PLEKHG1: variants seen among roughly 807,000 people sequenced by gnomAD.
The protein encoded by PLEKHG1 is pleckstrin homology domain-containing family G member 1.
A neutral mutation model predicts 100.8 loss-of-function variants in PLEKHG1; 44 were observed. The observed-to-expected ratio is 0.44, with a 90% CI of 0.34 to 0.56. The LOEUF (loss-of-function observed/expected upper bound fraction) is 0.56. PLEKHG1 is among the 20% of genes least tolerant of loss of function. The pLI, the probability that PLEKHG1 is intolerant of heterozygous loss-of-function variation, is 0.01. For missense variants in PLEKHG1, 1,545 were observed against 1,720.9 expected (o/e 0.90, Z 1.81); for synonymous variants, 640 against 662.5 (o/e 0.97, Z 0.52).
At position 150,810,515 on chromosome 6, in the gene PLEKHG1, AAAG is replaced by A. The variant is rs1451105744; in HGVS notation, c.1278+784_1278+786del. Among the ~76,000 whole-genome samples, 389 of 50,892 alleles carry A rather than the reference AAAG, an allele frequency of 7.6e-3. 6 individuals carry two copies. Among genetic ancestry groups the A allele is most frequent in the Admixed American group, 0.043 (327 of 7,524 alleles). 33.4% of individuals were successfully genotyped at this position (50,892 alleles called of 152,430 possible). A position where few individuals can be genotyped will look rare whatever the true frequency, so the allele number is the denominator to read the frequency against. Reference sequence around the variant, plus strand: ...AGGAAGGAGGGAAAGAAAGAAAGAAAAAGAAAGAAAGAAAGAAAGAAAGGAAGA... The same window carrying A: ...AGGAAGGAGGGAAAGAAAGAAAGAAAAAAGAAAGAAAGAAAGAAAGGAAGA... On this transcript the variant is annotated intron_variant, in intron 10 of 15. Coordinates refer to ENST00000358517, the Ensembl canonical transcript of PLEKHG1.
At chr6:150,686,889 T>TG in intron 3 of PLEKHG1, 1 of 152,736 alleles carries the variant, frequency 6.5e-6, no homozygotes, top group East Asian at 1.9e-4. Context: ...CCAGCAGCTA[T>TG]GGTGGGGGCT....
intron 6 of PLEKHG1, among the ~76,000 whole-genome samples, chr6:150,804,010 G>T (rs1233546907): frequency 7.3e-6 from 1 of 136,488 alleles, no homozygotes; most frequent in African/African-American, 3.1e-5. Flanking sequence ...CTACATGTAT[G>T]TTGTATTTTA....
chr6:150,756,080 A>C (rs1433014317), intron 2 of PLEKHG1, among the ~76,000 whole-genome samples: 1 of 151,906 alleles, frequency 6.6e-6, no homozygotes, highest in Non-Finnish European at 1.5e-5. Flanking sequence ...GAGGGAAGAA[A>C]ATTTTCCCCA....
intron 3 of PLEKHG1, among the ~76,000 whole-genome samples, chr6:150,667,599 A>G (rs1450741281): frequency 1.3e-5 from 2 of 152,294 alleles, no homozygotes; most frequent in East Asian, 3.9e-4. Flanking sequence ...ACTTTTTCCT[A>G]TTTGCAACAG....
intron 1 of PLEKHG1, among the ~76,000 whole-genome samples, chr6:150,612,766 C>T (rs1371029093): frequency 6.6e-6 from 1 of 152,126 alleles, no homozygotes; most frequent in Non-Finnish European, 1.5e-5. Context: ...CAGGTCCAAT[C>T]CATAGAAAAC....
exon 16 of PLEKHG1, chr6:150,843,352 G>A (rs1777613724): frequency 6.6e-6 from 1 of 152,108 alleles, no homozygotes; most frequent in Non-Finnish European, 1.5e-5. Flanking sequence ...TGAGAGCTGT[G>A]TGTATATATA....
At chr6:150,827,938 GA>G (rs1776707364) in intron 14 of PLEKHG1, 8 of 1,608,090 alleles carry the variant, frequency 5.0e-6, no homozygotes, top group Non-Finnish European at 6.8e-6. Context: ...AATAAATCTG[GA>G]AAAGTTTTGG....
chr6:150,668,901 T>C (rs1164825092), intron 3 of PLEKHG1, among the ~76,000 whole-genome samples: 1 of 152,186 alleles, frequency 6.6e-6, no homozygotes, highest in Non-Finnish European at 1.5e-5. Flanking sequence ...ACCTTAAATA[T>C]AAATAAAATG....
At chr6:150,638,868 T>A (rs766835446) in intron 2 of PLEKHG1, among the ~76,000 whole-genome samples, 30 of 152,224 alleles carry the variant, frequency 2.0e-4, no homozygotes, top group Non-Finnish European at 3.7e-4. Flanking sequence ...ATTCCTGAAA[T>A]TTCTTTGTGG....
At chr6:150,645,256 T>A (rs1778445694) in intron 2 of PLEKHG1, among the ~76,000 whole-genome samples, 1 of 152,172 alleles carries the variant, frequency 6.6e-6, no homozygotes, top group Non-Finnish European at 1.5e-5. Context: ...GGGTAATTGG[T>A]TATCCTTATG....
intron 2 of PLEKHG1, among the ~76,000 whole-genome samples, chr6:150,742,602 G>A (rs1270944002): frequency 6.6e-6 from 1 of 150,376 alleles, no homozygotes; most frequent in African/African-American, 2.5e-5. Flanking sequence ...AGAGCGCAGG[G>A]AGGGCCCGCA....
At chr6:150,674,673 CTCTCTCTCT>C (rs1484424398) in intron 3 of PLEKHG1, among the ~76,000 whole-genome samples, 2 of 145,466 alleles carry the variant, frequency 1.4e-5, no homozygotes, top group African/African-American at 5.2e-5. Flanking sequence ...CTCTCTCTCT[CTCTCTCTCT>C]CCCCCCTCTT....
intron 7 of PLEKHG1, among the ~76,000 whole-genome samples, chr6:150,807,367 C>T (rs1302450703): frequency 6.6e-6 from 1 of 152,108 alleles, no homozygotes. Context: ...TGTGAAGCTG[C>T]TTGATATTCT....
intron 3 of PLEKHG1, among the ~76,000 whole-genome samples, chr6:150,693,413 G>A (rs1449790576): frequency 6.6e-6 from 1 of 152,172 alleles, no homozygotes; most frequent in South Asian, 2.1e-4. Flanking sequence ...GGACTTGGAA[G>A]CTCTTGTGTC....
exon 1 of PLEKHG1, chr6:150,721,134 T>C: frequency 1.0e-6 from 1 of 985,290 alleles, no homozygotes; most frequent in Non-Finnish European, 1.2e-6. Context: ...GGCTGTTTCT[T>C]TTACCTGACT....
intron 3 of PLEKHG1, among the ~76,000 whole-genome samples, chr6:150,695,294 T>C (rs945659606): frequency 1.3e-5 from 2 of 152,224 alleles, no homozygotes; most frequent in African/African-American, 4.8e-5. Flanking sequence ...TTTGGTAATT[T>C]TGAAAAACTT....
rs145700218 is a variant in PLEKHG1 at position 150,787,919 on chromosome 6, G to GA, written c.582+1467dup. ...CTGTGTCAAAATTGAGCAGGGATTT[G>GA]AAAAAAAGAAGAAAAATGAAAGAAG... On this transcript the variant is annotated intron_variant, in intron 4 of 15. Coordinates refer to ENST00000358517, the Ensembl canonical transcript of PLEKHG1. Among the ~76,000 whole-genome samples the GA allele has an allele frequency of 4.5e-3, 687 of 152,042 alleles. 4 individuals carry two copies. Among genetic ancestry groups the GA allele is most frequent in the African/African-American group, 0.016 (660 of 41,500 alleles).
chr6:150,771,664 C>T (rs945152151), intron 3 of PLEKHG1, among the ~76,000 whole-genome samples: 43 of 151,852 alleles, frequency 2.8e-4, no homozygotes, highest in African/African-American at 9.2e-4. Flanking sequence ...ATAGGTGTAT[C>T]GATTTCAAAG....
intron 3 of PLEKHG1, among the ~76,000 whole-genome samples, chr6:150,674,682 T>C (rs185125133): frequency 0.027 from 2,851 of 103,786 alleles, 44 homozygotes; most frequent in Non-Finnish European, 0.041. Context: ...TCTCTCTCTC[T>C]CCCCCCTCTT....
Sources: allele counts gnomAD v4.1 joint callset (sites outside exome capture counted in the v4.1 genomes callset), GRCh38; gene constraint gnomAD v4.1.1; transcripts MANE v1.5; gene names NCBI Gene and HGNC (gene_info 2026-07-23, HGNC 2026-07-21).